Variants in GRID1 observed in about 807,000 individuals in gnomAD.
GRID1 encodes the protein glutamate ionotropic receptor delta type subunit 1.
GRID1 carries 28 observed loss-of-function variants against 98.0 expected under a neutral mutation model. That is an observed-to-expected ratio of 0.29 (90% CI 0.21 to 0.39). The LOEUF is 0.39. Ranked by LOEUF, GRID1 falls within the 10% of genes least tolerant of loss-of-function variation. GRID1 has a pLI of 1.00. For synonymous variants in GRID1, 553 were observed against 538.5 expected (o/e 1.03, Z -0.37); for missense variants, 1,111 against 1,340.5 (o/e 0.83, Z 2.67).
chr10:86,334,283 C>T (rs775501371), intron 2 of GRID1, among the ~76,000 whole-genome samples: 3 of 152,144 alleles, frequency 2.0e-5, no homozygotes, highest in Non-Finnish European at 4.4e-5. Context: ...TTCCATCTCC[C>T]TCATTTACTG....
At chr10:86,018,478 G>A (rs1271869243) in intron 4 of GRID1, among the ~76,000 whole-genome samples, 2 of 152,208 alleles carry the variant, frequency 1.3e-5, no homozygotes, top group African/African-American at 4.8e-5. Context: ...AGTTACACAT[G>A]CAGTGTTCTC....
chr10:86,021,057 TGCC>T (rs1843042241), intron 4 of GRID1, among the ~76,000 whole-genome samples: 1 of 151,676 alleles, frequency 6.6e-6, no homozygotes, highest in Non-Finnish European at 1.5e-5. Context: ...CCTGCCTGCC[TGCC>T]TGCCTGCCTG....
chr10:85,897,523 G>A (rs560013250), intron 5 of GRID1, among the ~76,000 whole-genome samples: 8 of 152,250 alleles, frequency 5.3e-5, no homozygotes, highest in Non-Finnish European at 8.8e-5. Context: ...TCTCATGCTC[G>A]GAAAACATAT....
chr10:86,146,232 T>C (rs1449582437), intron 3 of GRID1, among the ~76,000 whole-genome samples: 1 of 152,194 alleles, frequency 6.6e-6, no homozygotes, highest in Non-Finnish European at 1.5e-5. Context: ...TAAAAGTGTT[T>C]TTGGATTATT....
At chr10:86,261,759 T>C (rs1056382767) in intron 2 of GRID1, among the ~76,000 whole-genome samples, 5 of 149,494 alleles carry the variant, frequency 3.3e-5, no homozygotes, top group African/African-American at 7.3e-5. Flanking sequence ...AGCAGGGGCA[T>C]TGAGGTGGCA....
rs777605011 is a variant in GRID1 at position 85,784,786 on chromosome 10, A to G, written c.1234-55172T>C. 3.5e-4 allele frequency among the ~76,000 whole-genome samples: 53 copies of G among 152,242 alleles called. 1 individual carries two copies. Among genetic ancestry groups the G allele is most frequent in the Non-Finnish European group, 6.6e-4 (45 of 68,046 alleles). On this transcript the variant is annotated intron_variant, in intron 8 of 15. Transcript: ENST00000327946. ...TGTCTGCTTTAAGGACGAGGTGTGC[A>G]TGCTCTATGTGAGCGAAAATAAATG...
intron 13 of GRID1, among the ~76,000 whole-genome samples, chr10:85,644,455 G>T (rs538787178): frequency 3.9e-5 from 6 of 152,090 alleles, no homozygotes; most frequent in Non-Finnish European, 8.8e-5. Flanking sequence ...TTTTAAGAGG[G>T]TATAATATTC....
At chr10:85,928,440 C>T (rs529479765) in intron 4 of GRID1, among the ~76,000 whole-genome samples, 14 of 152,360 alleles carry the variant, frequency 9.2e-5, no homozygotes, top group South Asian at 6.2e-4. Flanking sequence ...CTGCACAGTC[C>T]CCGTCCTCCA....
intron 3 of GRID1, among the ~76,000 whole-genome samples, chr10:86,150,371 A>G (rs1256066531): frequency 6.6e-6 from 1 of 152,254 alleles, no homozygotes; most frequent in Non-Finnish European, 1.5e-5. Context: ...ACTGAAGGCC[A>G]GAGAAGTTGA....
chr10:85,706,839 C>G (rs1410685796), intron 12 of GRID1, among the ~76,000 whole-genome samples: 1 of 152,122 alleles, frequency 6.6e-6, no homozygotes, highest in East Asian at 1.9e-4. Context: ...TTTGACAAAC[C>G]TGACAAAAAC....
At chr10:86,018,466 C>T (rs1322619468) in intron 4 of GRID1, among the ~76,000 whole-genome samples, 1 of 152,222 alleles carries the variant, frequency 6.6e-6, no homozygotes, top group Admixed American at 6.5e-5. Context: ...TGGGGGAACT[C>T]GAGTTACACA....
At chr10:85,785,421 G>T (rs531776258) in intron 8 of GRID1, among the ~76,000 whole-genome samples, 2 of 152,174 alleles carry the variant, frequency 1.3e-5, no homozygotes, top group South Asian at 4.1e-4. Context: ...TTCCACGGAC[G>T]CGGAAAGAGA....
At chr10:86,143,525 C>T (rs947656594) in intron 3 of GRID1, among the ~76,000 whole-genome samples, 2 of 152,186 alleles carry the variant, frequency 1.3e-5, no homozygotes, top group African/African-American at 4.8e-5. Flanking sequence ...CCCTTGGCTC[C>T]CACAGAGCTC....
chr10:85,922,206 A>T (rs929089563), intron 4 of GRID1, among the ~76,000 whole-genome samples: 1 of 152,190 alleles, frequency 6.6e-6, no homozygotes, highest in African/African-American at 2.4e-5. Flanking sequence ...TTTTTCTCAT[A>T]TCTGAGAAAA....
At chr10:86,170,930 C>T (rs1845476456) in intron 3 of GRID1, among the ~76,000 whole-genome samples, 1 of 151,956 alleles carries the variant, frequency 6.6e-6, no homozygotes, top group Non-Finnish European at 1.5e-5. Context: ...AACGTTTACC[C>T]CCCACGCTTC....
chr10:86,047,101 A>G (rs941903272), intron 4 of GRID1, among the ~76,000 whole-genome samples: 1 of 152,202 alleles, frequency 6.6e-6, no homozygotes, highest in East Asian at 1.9e-4. Flanking sequence ...CATTCTCAAA[A>G]CTAATTAATC....
Position 85,839,584 on chromosome 10 carries a change from G to A in GRID1, c.1233+14912C>T, listed in dbSNP as rs928943729. Among the ~76,000 whole-genome samples, 3 of 152,212 alleles carry A rather than the reference G, an allele frequency of 2.0e-5. No homozygotes were observed. In the East Asian group the frequency reaches 5.8e-4, roughly 29 times the overall value. On this transcript the variant is annotated intron_variant, in intron 8 of 15. Transcript: ENST00000327946. ...AGTTATTTGAAGCTAATAAAACAAA[G>A]ACACAATGTACCAGAATCTCTCAGA... is the stretch of plus-strand genomic sequence containing the variant.
chr10:85,735,938 G>A (rs1327927983), intron 8 of GRID1, among the ~76,000 whole-genome samples: 1 of 143,408 alleles, frequency 7.0e-6, no homozygotes, highest in African/African-American at 2.6e-5. Flanking sequence ...AGAGAAGGCA[G>A]GAGGGAGAGA....
chr10:86,256,328 T>A (rs538184981), intron 2 of GRID1, among the ~76,000 whole-genome samples: 1 of 152,296 alleles, frequency 6.6e-6, no homozygotes, highest in East Asian at 1.9e-4. Context: ...CTCAGGGTGC[T>A]GTGGTTCACA....
Sources: gnomAD v4.1 joint callset for allele counts (sites outside exome capture counted in the v4.1 genomes callset) on GRCh38, gnomAD v4.1.1 for gene constraint, MANE v1.5 for transcripts, NCBI Gene and HGNC (gene_info 2026-07-23, HGNC 2026-07-21) for gene names.